GLT1D1: variants seen among roughly 807,000 people sequenced by gnomAD.
GLT1D1 encodes the protein glycosyltransferase 1 domain-containing protein 1.
GLT1D1 carries 21 observed loss-of-function variants against 28.7 expected under a neutral mutation model. The ratio of observed to expected loss-of-function variants is 0.73; its 90% CI spans 0.52 to 1.05. The LOEUF is 1.05. Ranked by LOEUF, GLT1D1 falls within the 50% of genes least tolerant of loss-of-function variation. GLT1D1 has a pLI of 0.00. For synonymous variants in GLT1D1, 147 were observed against 124.8 expected, an observed-to-expected ratio of 1.18 and a Z score of -1.19; for missense variants, 343 against 330.6, an observed-to-expected ratio of 1.04 and a Z score of -0.29.
At chr12:128,926,969 C>A in intron 4 of GLT1D1, 136 bp from the exon 8 acceptor site, 4 of 564,082 alleles carry the variant, frequency 7.1e-6, no homozygotes, top group South Asian at 2.4e-5. Context: ...ATTTAAATTG[C>A]CTAATATTAT....
At chr12:128,874,475 G>C (rs1462602434) in intron 1 of GLT1D1, among the ~76,000 whole-genome samples, 5 of 140,842 alleles carry the variant, frequency 3.6e-5, no homozygotes, top group African/African-American at 1.3e-4. Context: ...AGCCACTGTG[G>C]CTGGCTTTTT....
chr12:128,918,451 G>T (rs2135898640), intron 4 of GLT1D1, among the ~76,000 whole-genome samples: 1 of 152,234 alleles, frequency 6.6e-6, no homozygotes, highest in Admixed American at 6.5e-5. Flanking sequence ...TGCACATCCT[G>T]CACACGTATC....
At chr12:128,962,443 C>A (rs1878061493) in intron 7 of GLT1D1, among the ~76,000 whole-genome samples, 1 of 152,196 alleles carries the variant, frequency 6.6e-6, no homozygotes, top group Non-Finnish European at 1.5e-5. Context: ...TAGGGAAAGA[C>A]TTCCTGGCAA....
At chr12:128,886,094 C>G (rs968922440) in intron 2 of GLT1D1, among the ~76,000 whole-genome samples, 1 of 152,162 alleles carries the variant, frequency 6.6e-6, no homozygotes, top group African/African-American at 2.4e-5. Flanking sequence ...CACACGCTGT[C>G]TTCTCTTGTC....
chr12:128,949,372 G>A (rs780398902), intron 6 of GLT1D1, among the ~76,000 whole-genome samples: 7 of 152,190 alleles, frequency 4.6e-5, no homozygotes, highest in South Asian at 2.1e-4. Context: ...ACCTTTGGGC[G>A]AAGTGTTTTG....
chr12:128,928,010 A>AAAC (rs1873438257), intron 4 of GLT1D1, among the ~76,000 whole-genome samples: 3 of 149,364 alleles, frequency 2.0e-5, no homozygotes, highest in Non-Finnish European at 4.4e-5. Flanking sequence ...AAAAAAAAAA[A>AAAC]AAAAAAAAAA....
At chr12:128,951,748 G>GTCCAGGAGTTCTTCTC (rs1876712975) in intron 6 of GLT1D1, among the ~76,000 whole-genome samples, 1 of 152,194 alleles carries the variant, frequency 6.6e-6, no homozygotes, top group Non-Finnish European at 1.5e-5. Flanking sequence ...CGTCATCATC[G>GTCCAGGAGTTCTTCTC]TCCAGGAGTT....
At chr12:128,878,304 C>A (rs1956922178) in intron 2 of GLT1D1, among the ~76,000 whole-genome samples, 1 of 152,226 alleles carries the variant, frequency 6.6e-6, no homozygotes, top group Non-Finnish European at 1.5e-5. Context: ...CATCTGGGAA[C>A]TTTCTCCCAT....
intron 1 of GLT1D1, among the ~76,000 whole-genome samples, chr12:128,866,898 G>C (rs574633889): frequency 6.6e-6 from 1 of 151,752 alleles, no homozygotes; most frequent in African/African-American, 2.4e-5. Flanking sequence ...TGGGATTACA[G>C]GCATGAGCCA....
At chr12:128,902,588 C>A (rs1330580423) in intron 4 of GLT1D1, among the ~76,000 whole-genome samples, 3 of 151,428 alleles carry the variant, frequency 2.0e-5, no homozygotes, top group Non-Finnish European at 4.4e-5. Context: ...AAGAACAATG[C>A]CTACAGTGAT....
chr12:128,952,513 G>A (rs1260705664), intron 6 of GLT1D1, among the ~76,000 whole-genome samples: 1 of 149,498 alleles, frequency 6.7e-6, no homozygotes, highest in Non-Finnish European at 1.5e-5. Context: ...TGTTGCCCAG[G>A]CTGAAGGGCA....
At chr12:128,902,901 G>C (rs910418966) in intron 4 of GLT1D1, among the ~76,000 whole-genome samples, 2 of 151,000 alleles carry the variant, frequency 1.3e-5, no homozygotes, top group African/African-American at 2.5e-5. Context: ...AAAATTAGCC[G>C]GGCATGGTGG....
At chr12:128,924,138 C>T (rs1872939807) in intron 4 of GLT1D1, among the ~76,000 whole-genome samples, 1 of 152,034 alleles carries the variant, frequency 6.6e-6, no homozygotes, top group African/African-American at 2.4e-5. Context: ...ACTAAAGCCT[C>T]ATTCTTGGCC....
intron 1 of GLT1D1, among the ~76,000 whole-genome samples, chr12:128,866,096 C>G (rs1351090568): frequency 1.4e-5 from 2 of 138,064 alleles, no homozygotes; most frequent in Non-Finnish European, 3.1e-5. Flanking sequence ...GAGACAGAGT[C>G]TTGGCTCTGT....
chr12:128,875,891 T>C (rs1956857217), intron 1 of GLT1D1, 23 bp from the exon 2 acceptor site: 1 of 1,605,446 alleles, frequency 6.2e-7, no homozygotes, highest in Non-Finnish European at 8.5e-7. Flanking sequence ...CATCTTCTCC[T>C]TTCTCTGTAT....
At chr12:128,878,023 T>C (rs1255628464) in intron 2 of GLT1D1, among the ~76,000 whole-genome samples, 2 of 152,204 alleles carry the variant, frequency 1.3e-5, no homozygotes, top group Non-Finnish European at 2.9e-5. Context: ...GAGAGAACCA[T>C]CAAAAGAAAA....
At chr12:128,870,353 G>A (rs148336327) in intron 1 of GLT1D1, among the ~76,000 whole-genome samples, 47 of 152,276 alleles carry the variant, frequency 3.1e-4, no homozygotes, top group Non-Finnish European at 5.6e-4. Flanking sequence ...GTTGCTGGCC[G>A]GGGAGCCACA....
intron 4 of GLT1D1, among the ~76,000 whole-genome samples, chr12:128,900,468 A>G (rs931194982): frequency 2.0e-5 from 3 of 152,170 alleles, no homozygotes; most frequent in Non-Finnish European, 4.4e-5. Flanking sequence ...ACATATGTGA[A>G]TGTGAAGTTG....
chr12:128,899,162 C>G (rs2135852368), intron 3 of GLT1D1, 74 bp from the exon 4 acceptor site: 5 of 1,091,712 alleles, frequency 4.6e-6, no homozygotes, highest in Non-Finnish European at 7.1e-6. Flanking sequence ...ATAATTTGTT[C>G]CAAAGAGCTG....
Sources: gnomAD v4.1 joint callset for allele counts (sites outside exome capture counted in the v4.1 genomes callset) on GRCh38, gnomAD v4.1.1 for gene constraint, MANE v1.5 for transcripts, NCBI Gene and HGNC (gene_info 2026-07-23, HGNC 2026-07-21) for gene names.